Variants in CLEC1B observed in about 807,000 individuals in gnomAD.
The protein encoded by CLEC1B is C-type lectin domain family 1 member B, also known as C-type lectin-like receptor 2.
A neutral mutation model predicts 26.7 loss-of-function variants in CLEC1B; 26 were observed. That is an observed-to-expected ratio of 0.97 (90% CI 0.71 to 1.35). The LOEUF (loss-of-function observed/expected upper bound fraction) is 1.35. Among genes scored for constraint, CLEC1B ranks in the 40% most tolerant of loss-of-function variants. The pLI, the probability that CLEC1B is intolerant of heterozygous loss-of-function variation, is 0.00. For missense variants in CLEC1B, 293 were observed against 282.6 expected, an observed-to-expected ratio of 1.04 and a Z score of -0.26; for synonymous variants, 112 against 96.0, an observed-to-expected ratio of 1.17 and a Z score of -0.97.
In CLEC1B at chr12:9,998,364, G is replaced by A; in HGVS notation, c.81C>T (p.Ser27=). 1 of 1,613,838 alleles carries A rather than the reference G, an allele frequency of 6.2e-7. No individual in the cohort carries two copies. Among genetic ancestry groups the A allele is most frequent in the Non-Finnish European group, 8.5e-7 (1 of 1,179,756 alleles). ...PALISVGSAS[S]SWWRVMALIL... is the part of the protein sequence containing the mutation. Reference sequence around the variant, plus strand: ...TCAAAGCCATCACACGCCACCAGGAGGAGGATGCAGAGCCAACTGTAGGCA... The same window carrying A: ...TCAAAGCCATCACACGCCACCAGGAAGAGGATGCAGAGCCAACTGTAGGCA... The change falls in exon 2 of 6, where the codon TCC becomes TCT. Residue 27 remains serine (S), a synonymous_variant. Coordinates refer to ENST00000298527, the MANE Select transcript of CLEC1B (RefSeq NM_016509.4).
In CLEC1B at chr12:9,998,613, T is replaced by C. The variant is rs187273340; in HGVS notation, c.65-233A>G. Among the ~76,000 whole-genome samples, 61 of 126,400 alleles carry C rather than the reference T, an allele frequency of 4.8e-4. 1 individual carries two copies. The East Asian group carries it at 0.012, about 25-fold the overall frequency. 82.9% of individuals were successfully genotyped at this position (126,400 alleles called of 152,430 possible). A position where few individuals can be genotyped will look rare whatever the true frequency, so the allele number is the denominator to read the frequency against. On this transcript the variant is annotated intron_variant, in intron 1 of 5. Coordinates refer to ENST00000298527, the MANE Select transcript of CLEC1B (RefSeq NM_016509.4). ...ACTTTACCTCTCCAAGCTGAAATAT[T>C]ACTTGCTGTTAAGGCCTGATGTGTT...
intron 2 of CLEC1B, 140 bp downstream of exon 2, chr12:9,998,142 T>G: frequency 1.5e-6 from 1 of 662,792 alleles, no homozygotes; most frequent in Non-Finnish European, 2.7e-6. Flanking sequence ...TTTATTGAGA[T>G]TCTCTTGGCA....
intron 4 of CLEC1B, among the ~76,000 whole-genome samples, chr12:9,996,093 G>T (rs1865038887): frequency 6.6e-6 from 1 of 152,112 alleles, no homozygotes; most frequent in African/African-American, 2.4e-5. Context: ...AATGACTTGA[G>T]CTTCTTGACA....
chr12:9,999,389 C>A (rs769912783), upstream of CLEC1B: 1 of 259,308 alleles, frequency 3.9e-6, no homozygotes, highest in Non-Finnish European at 7.2e-6. Flanking sequence ...ATCTTCAACA[C>A]TAAATAAAGG....
Position 9,996,953 on chromosome 12 carries a change from C to A in CLEC1B, c.331G>T (p.Asp111Tyr). 6.2e-7 allele frequency: 1 copy of A among 1,614,144 alleles called. No individual in the cohort carries two copies. Residue 111 changes from aspartate to tyrosine, a missense_variant, in exon 4 of 6, where the codon GAT becomes TAT. Coordinates refer to ENST00000298527, the MANE Select transcript of CLEC1B (RefSeq NM_016509.4). ...PCDTNWRYYG[D>Y]SCYGFFRHNL... The stretch of plus-strand genomic sequence containing the variant: ...TGCCTGAAGAACCCATAGCAGCTAT[C>A]TCCATAATATCTCCAGTTTGTGTCA...
intron 4 of CLEC1B, among the ~76,000 whole-genome samples, chr12:9,995,916 T>A (rs766754610): frequency 6.6e-6 from 1 of 152,188 alleles, no homozygotes; most frequent in Non-Finnish European, 1.5e-5. Context: ...TCTTACTAAC[T>A]GCATAGGTCC....
intron 1 of CLEC1B, 21 bp downstream of exon 1, chr12:9,999,016 A>G (rs1234032638): frequency 7.1e-7 from 1 of 1,403,724 alleles, no homozygotes; most frequent in Non-Finnish European, 1.0e-6. Context: ...TTTCCAAATT[A>G]TTGGCTCTGA....
At chr12:10,000,380 T>C (rs755354323), upstream of CLEC1B, among the ~76,000 whole-genome samples, 22 of 152,188 alleles carry the variant, frequency 1.4e-4, no homozygotes, top group Non-Finnish European at 2.9e-4. Context: ...CTCTATACTC[T>C]TCAAATTATT....
Position 9,996,852 on chromosome 12 carries a change from G to A in CLEC1B, c.432C>T (p.Asn144=). 6.2e-7 allele frequency: 1 copy of A among 1,613,946 alleles called. No homozygotes were observed. The highest frequency in any genetic ancestry group is 8.5e-7 in the Non-Finnish European group (1 of 1,179,912). Residue 144 remains asparagine, a synonymous_variant, in exon 4 of 6, where the codon AAC becomes AAT. Transcript: ENST00000298527. ...GACATAAGAATCTTCTTACCACAATGTTCCGGTTGTCAATCTTCAGGAGAG... is the reference window on the plus strand; with the variant it reads ...GACATAAGAATCTTCTTACCACAATATTCCGGTTGTCAATCTTCAGGAGAG... The part of the protein sequence containing the change: ...NATLLKIDNR[N]IVEYIKARTH...
chr12:9,994,040 G>A (rs1864967068), intron 5 of CLEC1B, among the ~76,000 whole-genome samples: 2 of 152,080 alleles, frequency 1.3e-5, no homozygotes, highest in African/African-American at 4.8e-5. Flanking sequence ...AGTGGTAAGA[G>A]TTACAAAGAA....
chr12:9,994,810 AAC>A (rs779892673), intron 5 of CLEC1B, among the ~76,000 whole-genome samples: 2 of 149,306 alleles, frequency 1.3e-5, no homozygotes, highest in East Asian at 2.0e-4. Flanking sequence ...AAAACACAAA[AAC>A]ACACACACAT....
At chr12:9,997,105 C>A (rs1865070555) in intron 3 of CLEC1B, 55 bp downstream of exon 3, 5 of 1,609,678 alleles carry the variant, frequency 3.1e-6, no homozygotes, top group Non-Finnish European at 4.2e-6. Flanking sequence ...CAGTTGCCAT[C>A]AGAGAAATGC....
At chr12:9,996,284 C>T (rs1865044858) in intron 4 of CLEC1B, among the ~76,000 whole-genome samples, 1 of 152,098 alleles carries the variant, frequency 6.6e-6, no homozygotes, top group Admixed American at 6.6e-5. Context: ...TACCTGAAAT[C>T]CAACTATACA....
chr12:9,996,328 T>A (rs921795192), intron 4 of CLEC1B, among the ~76,000 whole-genome samples: 1 of 152,230 alleles, frequency 6.6e-6, no homozygotes, highest in East Asian at 1.9e-4. Flanking sequence ...ATGACTACTT[T>A]TAGTTATAAA....
At chr12:9,998,825 T>G (rs1865116436) in intron 1 of CLEC1B, among the ~76,000 whole-genome samples, 1 of 152,180 alleles carries the variant, frequency 6.6e-6, no homozygotes, top group African/African-American at 2.4e-5. Context: ...CTCAGAATCT[T>G]AATGCAATTT....
intron 5 of CLEC1B, among the ~76,000 whole-genome samples, chr12:9,994,298 G>A (rs576098395): frequency 6.6e-6 from 1 of 152,192 alleles, no homozygotes; most frequent in African/African-American, 2.4e-5. Context: ...TTGTAAATGA[G>A]GCAGCAAGCA....
chr12:9,993,453 G>A, intron 5 of CLEC1B, 166 bp from the exon 6 acceptor site: 1 of 645,084 alleles, frequency 1.6e-6, no homozygotes, highest in Non-Finnish European at 2.7e-6. Flanking sequence ...ACCCTGCTTG[G>A]CAGTACAAGA....
chr12:9,993,395 G>GAA, intron 5 of CLEC1B, 108 bp from the exon 6 acceptor site: 2 of 588,792 alleles, frequency 3.4e-6, no homozygotes, highest in South Asian at 1.9e-5. Flanking sequence ...GAGGAAAATA[G>GAA]GAAAAAAAAA....
At position 9,995,170 on chromosome 12, in the gene CLEC1B, C is replaced by T. The variant is rs968038935; in HGVS notation, c.515G>A (p.Trp172Ter). The T allele has an allele frequency of 6.2e-7, 1 of 1,613,080 alleles. No individual in the cohort carries two copies. Reference protein sequence around the residue: ...SRQKSNEVWKWEDGSVISENM... With the variant: ...SRQKSNEVWK ...TTCTGAGATAACCGAGCCATCCTCCCACTTCCAGACCTCATTCGACTTCTG... is the reference window on the plus strand; with the variant it reads ...TTCTGAGATAACCGAGCCATCCTCCTACTTCCAGACCTCATTCGACTTCTG... The change falls in exon 5 of 6, where the codon TGG becomes TAG. Residue 172 changes from tryptophan to a stop codon, truncating the protein, a stop_gained. Coordinates refer to ENST00000298527, the MANE Select transcript of CLEC1B (RefSeq NM_016509.4). LOFTEE classifies it low-confidence loss of function (END_TRUNC).
Sources: allele counts gnomAD v4.1 joint callset (sites outside exome capture counted in the v4.1 genomes callset), GRCh38; gene constraint gnomAD v4.1.1; transcripts MANE v1.5; gene names NCBI Gene and HGNC (gene_info 2026-07-23, HGNC 2026-07-21).